The following CACNA2D3 variants were observed in gnomAD, a reference collection of about 807,000 sequenced individuals.
The protein encoded by CACNA2D3 is voltage-dependent calcium channel subunit alpha-2/delta-3.
In CACNA2D3, 60 loss-of-function variants were observed where a neutral mutation model predicts 160.6. The observed-to-expected ratio is 0.37, with a 90% CI of 0.30 to 0.46. CACNA2D3 has a LOEUF of 0.46. Among genes scored for constraint, CACNA2D3 ranks in the 20% least tolerant of loss-of-function variants. The pLI, the probability that CACNA2D3 is intolerant of heterozygous loss-of-function variation, is 1.00. For synonymous variants in CACNA2D3, 558 were observed against 492.9 expected (o/e 1.13, Z -1.75); for missense variants, 1,205 against 1,365.0 (o/e 0.88, Z 1.85).
intron 11 of CACNA2D3, among the ~76,000 whole-genome samples, chr3:54,738,188 T>G (rs1259186905): frequency 6.6e-6 from 1 of 152,216 alleles, no homozygotes; most frequent in African/African-American, 2.4e-5. Context: ...TAGGACCATT[T>G]TTAATACTGG....
chr3:55,007,897 T>TA, intron 33 of CACNA2D3, 55 bp downstream of exon 33: 1 of 1,222,284 alleles, frequency 8.2e-7, no homozygotes, highest in African/African-American at 1.6e-5. Context: ...CCTTTTTGTA[T>TA]CATAAAGTGA....
At chr3:54,683,457 A>G (rs1700389805) in intron 11 of CACNA2D3, among the ~76,000 whole-genome samples, 1 of 152,256 alleles carries the variant, frequency 6.6e-6, no homozygotes, top group Non-Finnish European at 1.5e-5. Flanking sequence ...ATTTGATTCC[A>G]GGCCTTGCTA....
intron 4 of CACNA2D3, among the ~76,000 whole-genome samples, chr3:54,409,782 C>A (rs999634798): frequency 2.0e-5 from 3 of 152,192 alleles, no homozygotes; most frequent in Admixed American, 2.0e-4. Context: ...AAGGCCCTTA[C>A]TCTTTTCAGT....
At chr3:54,696,923 G>A (rs544069612) in intron 11 of CACNA2D3, among the ~76,000 whole-genome samples, 15 of 152,216 alleles carry the variant, frequency 9.9e-5, no homozygotes, top group Admixed American at 8.5e-4. Context: ...TTTTGATCCT[G>A]TTGTTTGTTT....
chr3:54,505,258 G>A (rs1701351250), intron 5 of CACNA2D3, among the ~76,000 whole-genome samples: 1 of 152,210 alleles, frequency 6.6e-6, no homozygotes, highest in African/African-American at 2.4e-5. Flanking sequence ...ATAGGGAACA[G>A]ATAATGAGAT....
chr3:54,124,123 G>A (rs1052740315), intron 2 of CACNA2D3, among the ~76,000 whole-genome samples: 2 of 152,324 alleles, frequency 1.3e-5, no homozygotes, highest in Non-Finnish European at 1.5e-5. Flanking sequence ...TAAGGAGAAT[G>A]AATGTGGTTA....
chr3:54,900,844 TC>T (rs1266023796), intron 27 of CACNA2D3, among the ~76,000 whole-genome samples: 1 of 152,148 alleles, frequency 6.6e-6, no homozygotes, highest in Non-Finnish European at 1.5e-5. Context: ...ACTGCTTTTT[TC>T]CCCCCACTTT....
chr3:54,809,667 C>A (rs1184524173), intron 13 of CACNA2D3, among the ~76,000 whole-genome samples: 1 of 151,644 alleles, frequency 6.6e-6, no homozygotes, highest in Non-Finnish European at 1.5e-5. Flanking sequence ...CCCCTCCCTC[C>A]CTTCCTTTGT....
chr3:54,602,902 G>T (rs924664438), intron 9 of CACNA2D3, among the ~76,000 whole-genome samples: 1 of 152,296 alleles, frequency 6.6e-6, no homozygotes, highest in South Asian at 2.1e-4. Flanking sequence ...TCACATTGCA[G>T]AAAGGGCCTG....
At chr3:54,904,947 C>T (rs1700420746) in intron 27 of CACNA2D3, among the ~76,000 whole-genome samples, 1 of 152,064 alleles carries the variant, frequency 6.6e-6, no homozygotes, top group African/African-American at 2.4e-5. Flanking sequence ...CTTGTTGGAC[C>T]AGTAGTTATC....
At chr3:54,202,452 T>A (rs1430947554) in intron 2 of CACNA2D3, among the ~76,000 whole-genome samples, 1 of 152,244 alleles carries the variant, frequency 6.6e-6, no homozygotes, top group Non-Finnish European at 1.5e-5. Flanking sequence ...AATGCATGAA[T>A]CTTGTTTGTT....
At chr3:55,073,715 G>A (rs1470174073) in intron 36 of CACNA2D3, 62 bp from the exon 37 acceptor site, 4 of 1,420,972 alleles carry the variant, frequency 2.8e-6, no homozygotes, top group Non-Finnish European at 3.9e-6. Flanking sequence ...GCCAAATTTT[G>A]ACCTCTGAAA....
chr3:54,291,159 G>C (rs1191313862), intron 2 of CACNA2D3, among the ~76,000 whole-genome samples: 1 of 152,082 alleles, frequency 6.6e-6, no homozygotes, highest in African/African-American at 2.4e-5. Context: ...CTAGCCTGTG[G>C]GTTATGAGTG....
chr3:54,622,597 T>TA (rs779663329), intron 9 of CACNA2D3, among the ~76,000 whole-genome samples: 14 of 150,860 alleles, frequency 9.3e-5, no homozygotes, highest in Admixed American at 2.0e-4. Context: ...TTTTTTTTTT[T>TA]AAATCAGAGT....
At chr3:54,284,829 C>T (rs1259413647) in intron 2 of CACNA2D3, among the ~76,000 whole-genome samples, 1 of 152,182 alleles carries the variant, frequency 6.6e-6, no homozygotes, top group Non-Finnish European at 1.5e-5. Flanking sequence ...AAATAAATGA[C>T]ACCTCTTCAG....
At chr3:54,450,673 C>A (rs568627444) in intron 4 of CACNA2D3, among the ~76,000 whole-genome samples, 6 of 152,234 alleles carry the variant, frequency 3.9e-5, no homozygotes, top group African/African-American at 1.4e-4. Flanking sequence ...TCACTGCACA[C>A]GCTGGCTCCC....
intron 11 of CACNA2D3, among the ~76,000 whole-genome samples, chr3:54,717,832 T>C (rs905730318): frequency 2.7e-5 from 4 of 146,252 alleles, no homozygotes; most frequent in African/African-American, 7.6e-5. Flanking sequence ...GTGTGGTGTG[T>C]GTGCGTGAGT....
At chr3:54,462,006 C>T (rs1461149880) in intron 4 of CACNA2D3, among the ~76,000 whole-genome samples, 1 of 152,132 alleles carries the variant, frequency 6.6e-6, no homozygotes, top group African/African-American at 2.4e-5. Context: ...CAAAGAACAT[C>T]TTTATTTCTG....
chr3:54,511,898 C>T (rs1394901782), intron 5 of CACNA2D3, among the ~76,000 whole-genome samples: 1 of 152,138 alleles, frequency 6.6e-6, no homozygotes, highest in Non-Finnish European at 1.5e-5. Context: ...TGTGTTTTGC[C>T]TGGGAAGGAG....
Sources: allele counts gnomAD v4.1 joint callset (sites outside exome capture counted in the v4.1 genomes callset), GRCh38; gene constraint gnomAD v4.1.1; transcripts MANE v1.5; gene names NCBI Gene and HGNC (gene_info 2026-07-23, HGNC 2026-07-21).